Variants in RANBP2 observed in about 807,000 individuals in gnomAD.
The protein encoded by RANBP2 is E3 SUMO-protein ligase RanBP2.
Under a neutral mutation model 303.6 loss-of-function variants are expected in RANBP2, and 57 were observed. The ratio of observed to expected loss-of-function variants is 0.19; its 90% CI spans 0.15 to 0.23. The LOEUF is 0.23. Ranked by LOEUF, RANBP2 falls within the 10% of genes least tolerant of loss-of-function variation. The pLI is 1.00. For synonymous variants in RANBP2, 1,167 were observed against 1,301.5 expected, an observed-to-expected ratio of 0.90 and a Z score of 2.23; for missense variants, 3,138 against 3,780.8, an observed-to-expected ratio of 0.83 and a Z score of 4.46.
At chr2:109,040,635 C>A in the RANBP2 span, among the ~76,000 whole-genome samples, 2 of 152,192 alleles carry the variant, frequency 1.3e-5, no homozygotes, top group South Asian at 4.1e-4. Context: ...AATTTTCTCA[C>A]TAGTGACTTA....
the RANBP2 span, among the ~76,000 whole-genome samples, chr2:108,907,125 G>A: frequency 6.1e-4 from 93 of 152,294 alleles, no homozygotes; most frequent in African/African-American, 2.0e-3. Flanking sequence ...ATTACAGGGC[G>A]GTAGGTGATA....
the RANBP2 span, among the ~76,000 whole-genome samples, chr2:108,942,298 C>T: frequency 1.3e-5 from 2 of 152,324 alleles, no homozygotes; most frequent in Admixed American, 6.5e-5. Flanking sequence ...AGCCGAGGCA[C>T]AATGCCGGAT....
intron 1 of RANBP2, among the ~76,000 whole-genome samples, chr2:108,725,498 A>G (rs1049826026): frequency 6.6e-6 from 1 of 152,232 alleles, no homozygotes; most frequent in Non-Finnish European, 1.5e-5. Flanking sequence ...TCAATGGCTG[A>G]CGCCTGTAAT....
chr2:109,446,060 T>C, the RANBP2 span, among the ~76,000 whole-genome samples: 1 of 152,144 alleles, frequency 6.6e-6, no homozygotes. Flanking sequence ...TCAAAGAAGA[T>C]GTGGGCTACT....
At chr2:109,435,641 A>T in the RANBP2 span, among the ~76,000 whole-genome samples, 2 of 152,260 alleles carry the variant, frequency 1.3e-5, no homozygotes, top group Non-Finnish European at 1.5e-5. Flanking sequence ...CCATCCTGCC[A>T]TGAGGGCAGA....
the RANBP2 span, among the ~76,000 whole-genome samples, chr2:109,237,627 G>A: frequency 1.8e-3 from 270 of 152,102 alleles, no homozygotes; most frequent in African/African-American, 6.1e-3. Flanking sequence ...AAAGCTCATC[G>A]GCTATTGTTA....
chr2:108,932,342 C>A, the RANBP2 span, among the ~76,000 whole-genome samples: 1 of 151,808 alleles, frequency 6.6e-6, no homozygotes, highest in Non-Finnish European at 1.5e-5. Flanking sequence ...TCCTGGCTAA[C>A]AAGGTGAAAC....
the RANBP2 span, among the ~76,000 whole-genome samples, chr2:109,071,348 T>G: frequency 6.6e-6 from 1 of 152,192 alleles, no homozygotes; most frequent in Non-Finnish European, 1.5e-5. Flanking sequence ...CAATTCTGTC[T>G]TGCATGTGTG....
chr2:109,427,747 G>A, the RANBP2 span, among the ~76,000 whole-genome samples: 16 of 152,274 alleles, frequency 1.1e-4, no homozygotes, highest in East Asian at 1.9e-4. Context: ...ATCTCAACCC[G>A]CGTAACTGCC....
At chr2:109,744,435 T>C in the RANBP2 span, among the ~76,000 whole-genome samples, 1 of 100,206 alleles carries the variant, frequency 1.0e-5, no homozygotes, top group African/African-American at 2.8e-5. Context: ...AAATTTTTTT[T>C]TTTTTTGCTT....
At chr2:108,999,921 G>A in the RANBP2 span, among the ~76,000 whole-genome samples, 12 of 152,240 alleles carry the variant, frequency 7.9e-5, no homozygotes, top group South Asian at 2.3e-3. Flanking sequence ...TCACAGCAAT[G>A]TTTAGTTCAG....
At chr2:108,779,535 T>C (rs1678099815) in intron 25 of RANBP2, among the ~76,000 whole-genome samples, 1 of 152,166 alleles carries the variant, frequency 6.6e-6, no homozygotes, top group South Asian at 2.1e-4. Context: ...GATTTTTTAT[T>C]GTGTTCTTTA....
the RANBP2 span, among the ~76,000 whole-genome samples, chr2:108,902,459 T>C: frequency 6.6e-6 from 1 of 152,136 alleles, no homozygotes; most frequent in Non-Finnish European, 1.5e-5. Context: ...TTCTACAAAA[T>C]GTTTAAGAAA....
At chr2:108,916,490 G>A in the RANBP2 span, among the ~76,000 whole-genome samples, 72 of 152,166 alleles carry the variant, frequency 4.7e-4, 1 homozygote, top group Non-Finnish European at 1.0e-4. Flanking sequence ...GCCTGCAGAT[G>A]TGACATCTTC....
At chr2:109,355,649 C>A in the RANBP2 span, among the ~76,000 whole-genome samples, 4 of 152,160 alleles carry the variant, frequency 2.6e-5, no homozygotes, top group Non-Finnish European at 5.9e-5. Flanking sequence ...CTTTCCTCTT[C>A]GGCCATTGGG....
At position 108,781,301 on chromosome 2, in the gene RANBP2, G is replaced by T. The variant is rs1446202396; in HGVS notation, c.8632G>T (p.Ala2878Ser). 6.2e-7 allele frequency: 1 copy of T among 1,614,144 alleles called. No homozygotes were observed. Among genetic ancestry groups the T allele is most frequent in the Admixed American group, 1.7e-5 (1 of 60,022 alleles). The change falls in exon 26 of 29, where the codon GCT becomes TCT. Residue 2878 changes from alanine to serine, a missense_variant. Around this residue, in one of 20 missense-constraint regions of RANBP2, gnomAD observed 497 missense variants for 465.8 expected, o/e 1.07. Transcript: ENST00000283195. ...KNFQWANTGA[A>S]VFGTQSVGTQ... ...TTTCCAATGGGCAAATACTGGAGCA[G>T]CTGTGTTTGGAACACAGTCAGTCGG...
At chr2:109,009,742 C>T in the RANBP2 span, among the ~76,000 whole-genome samples, 2 of 136,252 alleles carry the variant, frequency 1.5e-5, no homozygotes, top group Non-Finnish European at 3.0e-5. Context: ...ACAAGGATCT[C>T]TCTATGTTTA....
the RANBP2 span, among the ~76,000 whole-genome samples, chr2:108,925,895 C>T: frequency 1.3e-5 from 2 of 152,158 alleles, no homozygotes; most frequent in African/African-American, 2.4e-5. Flanking sequence ...GGATTACAGG[C>T]GTGAACCACC....
the RANBP2 span, among the ~76,000 whole-genome samples, chr2:108,963,461 G>A: frequency 2.4e-4 from 37 of 152,234 alleles, no homozygotes; most frequent in African/African-American, 8.2e-4. Context: ...GTGGATTCAC[G>A]TGCACTTGTA....
Sources: allele counts gnomAD v4.1 joint callset (sites outside exome capture counted in the v4.1 genomes callset), GRCh38; gene constraint gnomAD v4.1.1; regional missense constraint gnomAD v4.1.1; transcripts MANE v1.5; gene names NCBI Gene and HGNC (gene_info 2026-07-23, HGNC 2026-07-21).